SHISA9: variants seen among roughly 807,000 people sequenced by gnomAD.
SHISA9 encodes protein shisa-9.
A neutral mutation model predicts 38.0 loss-of-function variants in SHISA9; 13 were observed. The observed-to-expected ratio is 0.34, with a 90% CI of 0.22 to 0.54. The LOEUF is 0.54. Among genes scored for constraint, SHISA9 ranks in the 20% least tolerant of loss-of-function variants. SHISA9 has a pLI of 0.91. For synonymous variants in SHISA9, 275 were observed against 242.0 expected (o/e 1.14, Z -1.27); for missense variants, 538 against 575.8 (o/e 0.93, Z 0.67).
At chr16:13,299,953 A>G in the SHISA9 span, among the ~76,000 whole-genome samples, 9 of 152,264 alleles carry the variant, frequency 5.9e-5, no homozygotes, top group South Asian at 2.1e-4. Flanking sequence ...GAGATAGTGC[A>G]CATGAAGTGC....
intron 2 of SHISA9, among the ~76,000 whole-genome samples, chr16:13,061,649 A>G (rs2073377217): frequency 6.6e-6 from 1 of 152,182 alleles, no homozygotes; most frequent in South Asian, 2.1e-4. Context: ...GATGGACCAA[A>G]CAGGTATAGC....
intron 2 of SHISA9, among the ~76,000 whole-genome samples, chr16:12,993,419 G>A (rs1445852269): frequency 3.3e-5 from 5 of 152,104 alleles, no homozygotes; most frequent in Admixed American, 2.0e-4. Flanking sequence ...TCCTAGTGGC[G>A]TGACTTTAGG....
the SHISA9 span, among the ~76,000 whole-genome samples, chr16:13,447,325 G>T: frequency 6.6e-6 from 1 of 151,996 alleles, no homozygotes; most frequent in African/African-American, 2.4e-5. Context: ...GTGGTTTGGG[G>T]TTCCCTATGG....
intron 2 of SHISA9, among the ~76,000 whole-genome samples, chr16:13,039,844 G>C (rs933769467): frequency 1.3e-5 from 2 of 152,128 alleles, no homozygotes; most frequent in African/African-American, 4.8e-5. Flanking sequence ...CCCAGGCCCT[G>C]ACAGTTTACA....
chr16:13,247,584 T>TAAAA, the SHISA9 span, among the ~76,000 whole-genome samples: 3,802 of 152,170 alleles, frequency 0.025, 146 homozygotes, highest in African/African-American at 0.087. Flanking sequence ...GTTAAATAAA[T>TAAAA]AAATAAATAA....
At chr16:13,240,559 A>G (rs2051427192), downstream of SHISA9, 1 of 152,194 alleles carries the variant, frequency 6.6e-6, no homozygotes, top group African/African-American at 2.4e-5. Flanking sequence ...GGCAATTTCT[A>G]GTTAACAGCA....
intron 2 of SHISA9, among the ~76,000 whole-genome samples, chr16:13,157,946 C>G (rs569189480): frequency 3.5e-4 from 54 of 152,302 alleles, no homozygotes; most frequent in African/African-American, 1.3e-3. Flanking sequence ...TGACTCATCT[C>G]CAGGGTTCTT....
At chr16:12,966,222 C>T (rs555215249) in intron 2 of SHISA9, among the ~76,000 whole-genome samples, 1 of 152,212 alleles carries the variant, frequency 6.6e-6, no homozygotes, top group African/African-American at 2.4e-5. Context: ...ACTTCACTTT[C>T]CTACATCTAT....
At chr16:12,915,328 G>C (rs8060052) in intron 1 of SHISA9, among the ~76,000 whole-genome samples, 46,972 of 152,034 alleles carry the variant, frequency 0.31, 7,669 homozygotes, top group African/African-American at 0.38. Context: ...AGTAGCTGGG[G>C]GTGGTGGCAT....
intron 2 of SHISA9, among the ~76,000 whole-genome samples, chr16:12,963,092 G>T (rs1019855546): frequency 1.3e-5 from 2 of 152,180 alleles, no homozygotes; most frequent in African/African-American, 4.8e-5. Flanking sequence ...GCTTAGGTTC[G>T]CCACAGTTGT....
the SHISA9 span, among the ~76,000 whole-genome samples, chr16:13,361,015 G>A: frequency 6.6e-6 from 1 of 152,084 alleles, no homozygotes; most frequent in African/African-American, 2.4e-5. Context: ...TAAAATACCT[G>A]CACCAAACTC....
chr16:13,023,192 C>CCA (rs1237218369), intron 2 of SHISA9, among the ~76,000 whole-genome samples: 60 of 152,112 alleles, frequency 3.9e-4, no homozygotes, highest in African/African-American at 1.3e-3. Flanking sequence ...GCAACAGGCC[C>CCA]TGGTGTGTGA....
intron 2 of SHISA9, among the ~76,000 whole-genome samples, chr16:12,988,505 T>C (rs2072342330): frequency 6.6e-6 from 1 of 152,168 alleles, no homozygotes; most frequent in Non-Finnish European, 1.5e-5. Flanking sequence ...TGTTTTCTTA[T>C]ATTTTATTGT....
chr16:13,247,460 A>G, the SHISA9 span, among the ~76,000 whole-genome samples: 2 of 152,220 alleles, frequency 1.3e-5, no homozygotes, highest in African/African-American at 4.8e-5. Flanking sequence ...ACTCAAGGTC[A>G]CAGAGCAAGT....
At chr16:13,487,718 T>A in the SHISA9 span, among the ~76,000 whole-genome samples, 1 of 152,250 alleles carries the variant, frequency 6.6e-6, no homozygotes, top group Non-Finnish European at 1.5e-5. Flanking sequence ...GTAAATGCTA[T>A]GTAAATAGAT....
chr16:13,421,143 C>T, the SHISA9 span, among the ~76,000 whole-genome samples: 3 of 152,190 alleles, frequency 2.0e-5, no homozygotes, highest in African/African-American at 4.8e-5. Context: ...ATCCCTCAGG[C>T]CAGGTAAGAG....
chr16:13,204,241 T>TATCTATCA (rs1247600927), intron 3 of SHISA9, among the ~76,000 whole-genome samples: 1 of 151,414 alleles, frequency 6.6e-6, no homozygotes, highest in Non-Finnish European at 1.5e-5. Flanking sequence ...TCTATCTATC[T>TATCTATCA]ATCTATCTAC....
At chr16:13,382,472 G>A in the SHISA9 span, among the ~76,000 whole-genome samples, 6 of 149,844 alleles carry the variant, frequency 4.0e-5, no homozygotes, top group Non-Finnish European at 7.4e-5. Context: ...GGAGGTTGCA[G>A]TGAGCCGAGA....
At chr16:13,308,942 T>C in the SHISA9 span, among the ~76,000 whole-genome samples, 1 of 152,188 alleles carries the variant, frequency 6.6e-6, no homozygotes, top group Non-Finnish European at 1.5e-5. Flanking sequence ...GGACAAAGAA[T>C]AGTTAGTTAT....
Sources: allele counts gnomAD v4.1 joint callset (sites outside exome capture counted in the v4.1 genomes callset), GRCh38; gene constraint gnomAD v4.1.1; transcripts MANE v1.5; gene names NCBI Gene and HGNC (gene_info 2026-07-23, HGNC 2026-07-21).